CCNB3: variants seen among roughly 807,000 people sequenced by gnomAD.
CCNB3 encodes the protein cyclin B3.
CCNB3 carries 12 observed loss-of-function variants against 68.0 expected under a neutral mutation model. The observed-to-expected ratio is 0.18, with a 90% CI of 0.11 to 0.29. CCNB3 has a LOEUF of 0.29. Among genes scored for constraint, CCNB3 ranks in the 10% least tolerant of loss-of-function variants. CCNB3 has a pLI of 1.00. For missense variants in CCNB3, 904 were observed against 993.1 expected (o/e 0.91, Z 1.21); for synonymous variants, 354 against 388.9 (o/e 0.91, Z 1.06).
At chrX:50,295,183 G>A (rs901173922) in intron 5 of CCNB3, among the ~76,000 whole-genome samples, 190 bp downstream of exon 5, 2 of 111,621 alleles carry the variant, frequency 1.8e-5, no homozygotes, top group African/African-American at 3.3e-5. Flanking sequence ...CTTTCATTAC[G>A]TGTGTGCATA....
rs1354528641 is a variant in CCNB3, at chrX:50,214,416, T to C, written c.-113+9466T>C. 3.3e-4 allele frequency among the ~76,000 whole-genome samples: 29 copies of C among 86,811 alleles called. No individual in the cohort carries two copies. In the East Asian group the frequency reaches 0.01, roughly 30 times the overall value. The allele number at this position is 86,811 out of a possible 115,157, so 75.4% of individuals were successfully genotyped here. A position where few individuals can be genotyped will look rare whatever the true frequency, so the allele number is the denominator to read the frequency against. ...GCTTAGAGTATTGACTTTTAAGCTTTTCCTCTTTTCTAATATTAAATAGTG... is the reference window on the plus strand; with the variant it reads ...GCTTAGAGTATTGACTTTTAAGCTTCTCCTCTTTTCTAATATTAAATAGTG... On this transcript the variant is annotated intron_variant, in intron 1 of 12. Coordinates refer to ENST00000376042, the MANE Select transcript of CCNB3 (RefSeq NM_033031.3).
intron 8 of CCNB3, among the ~76,000 whole-genome samples, chrX:50,333,677 C>G (rs1922713595): frequency 9.0e-6 from 1 of 111,372 alleles, no homozygotes; most frequent in Admixed American, 9.5e-5. Flanking sequence ...ACTTACCCCC[C>G]TTCTGCATGG....
intron 5 of CCNB3, among the ~76,000 whole-genome samples, chrX:50,295,779 C>T (rs1772620132): frequency 9.0e-6 from 1 of 111,431 alleles, no homozygotes; most frequent in Non-Finnish European, 1.9e-5. Flanking sequence ...TGTAGGGCTG[C>T]TATTTAGCCA....
intron 8 of CCNB3, among the ~76,000 whole-genome samples, chrX:50,320,134 C>A (rs1353011723): frequency 1.8e-5 from 2 of 110,579 alleles, no homozygotes; most frequent in Non-Finnish European, 3.8e-5. Context: ...TAATAGTGAT[C>A]TTGTAAAATA....
At chrX:50,350,457 C>G (rs1342440362) in intron 11 of CCNB3, among the ~76,000 whole-genome samples, 1 of 111,751 alleles carries the variant, frequency 8.9e-6, no homozygotes, top group Admixed American at 9.5e-5. Flanking sequence ...CCGCTTCTGC[C>G]ACATAATAGG....
At chrX:50,298,313 C>A (rs1249099102) in intron 5 of CCNB3, among the ~76,000 whole-genome samples, 4 of 111,557 alleles carry the variant, frequency 3.6e-5, no homozygotes, top group Non-Finnish European at 7.5e-5. Context: ...CCCATCAATA[C>A]CTAATTTATT....
intron 8 of CCNB3, among the ~76,000 whole-genome samples, chrX:50,339,609 G>C (rs1248993859): frequency 9.0e-6 from 1 of 111,548 alleles, no homozygotes; most frequent in East Asian, 2.8e-4. Flanking sequence ...GATCAACCTG[G>C]TAAACATAGC....
At chrX:50,311,907 G>C (rs1266105715) in intron 6 of CCNB3, among the ~76,000 whole-genome samples, 4 of 110,585 alleles carry the variant, frequency 3.6e-5, no homozygotes, top group Admixed American at 9.7e-5. Context: ...ACCCACAAGA[G>C]TCTGGACTAC....
At chrX:50,321,409 A>T (rs1399936960) in intron 8 of CCNB3, among the ~76,000 whole-genome samples, 1 of 111,449 alleles carries the variant, frequency 9.0e-6, no homozygotes, top group Non-Finnish European at 1.9e-5. Flanking sequence ...TTTCTACAAA[A>T]TTTTTTCTAG....
intron 1 of CCNB3, among the ~76,000 whole-genome samples, chrX:50,226,293 A>AAT (rs1205536876): frequency 1.7e-5 from 1 of 60,455 alleles, no homozygotes; most frequent in Non-Finnish European, 2.6e-5. Flanking sequence ...ATATATATAG[A>AAT]ATATATATAT....
At chrX:50,351,169 C>T in intron 11 of CCNB3, 72 bp from the exon 12 acceptor site, 1 of 1,138,940 alleles carries the variant, frequency 8.8e-7, no homozygotes. Flanking sequence ...GAAGCTTAGA[C>T]TTGGGATAGC....
chrX:50,320,439 C>G (rs1270652712), intron 8 of CCNB3, among the ~76,000 whole-genome samples: 1 of 110,245 alleles, frequency 9.1e-6, no homozygotes, highest in Non-Finnish European at 1.9e-5. Flanking sequence ...CTCTTTCATT[C>G]CTGATACTGG....
intron 3 of CCNB3, among the ~76,000 whole-genome samples, chrX:50,287,863 G>A (rs1191328546): frequency 9.1e-6 from 1 of 110,439 alleles, no homozygotes; most frequent in Non-Finnish European, 1.9e-5. Flanking sequence ...AAGCTTCATC[G>A]GTATTTATAG....
intron 8 of CCNB3, among the ~76,000 whole-genome samples, chrX:50,323,428 G>C: frequency 1.1e-5 from 1 of 92,583 alleles, no homozygotes; most frequent in Non-Finnish European, 2.1e-5. Context: ...GGGGTAGGGG[G>C]AGGGGGGAGG....
chrX:50,226,283 A>ATATATATAGAATATATATATTTT (rs1935788337), intron 1 of CCNB3, among the ~76,000 whole-genome samples: 2 of 64,874 alleles, frequency 3.1e-5, no homozygotes, highest in African/African-American at 7.0e-5. Context: ...ATATATATTT[A>ATATATATAGAATATATATATTTT]TATATATAGA....
intron 5 of CCNB3, among the ~76,000 whole-genome samples, chrX:50,302,385 T>C (rs1372566014): frequency 2.7e-5 from 3 of 112,186 alleles, no homozygotes; most frequent in African/African-American, 9.7e-5. Context: ...AAACTAGTAA[T>C]AGCTGCCATT....
intron 1 of CCNB3, among the ~76,000 whole-genome samples, chrX:50,215,699 G>A (rs1935561088): frequency 9.0e-6 from 1 of 110,629 alleles, no homozygotes; most frequent in East Asian, 2.8e-4. Flanking sequence ...GTACATACAC[G>A]TTTGAGATTT....
intron 1 of CCNB3, among the ~76,000 whole-genome samples, chrX:50,216,452 T>C (rs1935574096): frequency 9.1e-6 from 1 of 109,338 alleles, no homozygotes. Flanking sequence ...GTATTTTTAG[T>C]AGAGACAGGG....
Position 50,310,783 on chromosome X carries a change from G to T in CCNB3, c.2614G>T (p.Ala872Ser). ...LQEKPSIEQE[A>S]LFKRHSALWE... ...GGAGAAGCCCAGCATTGAGCAGGAGGCCCTCTTTAAGCGACACTCAGCTTT... is the reference window on the plus strand; with the variant it reads ...GGAGAAGCCCAGCATTGAGCAGGAGTCCCTCTTTAAGCGACACTCAGCTTT... Residue 872 changes from alanine to serine, a missense_variant, in exon 6 of 13, where the codon GCC becomes TCC. Ala to Ser is a moderately conservative substitution (Grantham distance 99). Coordinates refer to ENST00000376042, the MANE Select transcript of CCNB3 (RefSeq NM_033031.3). 1 of 1,211,216 alleles carries T rather than the reference G, an allele frequency of 8.3e-7. No homozygotes were observed.
Sources: gnomAD v4.1 joint callset for allele counts (sites outside exome capture counted in the v4.1 genomes callset) on GRCh38, gnomAD v4.1.1 for gene constraint, MANE v1.5 for transcripts, NCBI Gene and HGNC (gene_info 2026-07-23, HGNC 2026-07-21) for gene names.